DNAJC13: variants seen among roughly 807,000 people sequenced by gnomAD.
DNAJC13 encodes the protein dnaJ homolog subfamily C member 13.
In DNAJC13, 75 loss-of-function variants were observed where a neutral mutation model predicts 290.5. The ratio of observed to expected loss-of-function variants is 0.26; its 90% confidence interval spans 0.21 to 0.31. The LOEUF (loss-of-function observed/expected upper bound fraction) is 0.31, where lower values mean the gene tolerates loss of function less well. DNAJC13 is among the 10% of genes least tolerant of loss of function. DNAJC13 has a pLI of 1.00. For synonymous variants in DNAJC13, 862 were observed against 892.0 expected, an observed-to-expected ratio of 0.97 and a Z score of 0.60; for missense variants, 2,260 against 2,674.5, an observed-to-expected ratio of 0.85 and a Z score of 3.42.
At chr3:132,525,076 CACGCCTGTAATA>C (rs1265258108) in intron 51 of DNAJC13, among the ~76,000 whole-genome samples, 1 of 152,186 alleles carries the variant, frequency 6.6e-6, no homozygotes, top group East Asian at 1.9e-4. Context: ...CGCGGTGGCT[CACGCCTGTAATA>C]CCAGCACTTT....
At chr3:132,514,227 T>C (rs758738168) in intron 45 of DNAJC13, among the ~76,000 whole-genome samples, 1 of 152,162 alleles carries the variant, frequency 6.6e-6, no homozygotes, top group Non-Finnish European at 1.5e-5. Flanking sequence ...TGCAGGGTAC[T>C]GAAGACATTT....
chr3:132,445,828 C>T (rs931613299), intron 2 of DNAJC13, among the ~76,000 whole-genome samples: 2 of 151,926 alleles, frequency 1.3e-5, no homozygotes, highest in African/African-American at 2.4e-5. Flanking sequence ...AATTCAATTT[C>T]CTTTTATGAT....
chr3:132,498,400 T>A (rs1349861755), intron 36 of DNAJC13, among the ~76,000 whole-genome samples: 1 of 152,162 alleles, frequency 6.6e-6, no homozygotes, highest in Non-Finnish European at 1.5e-5. Flanking sequence ...AAGATGTGCA[T>A]ATAATTGATA....
At chr3:132,430,733 C>A (rs925583427) in intron 1 of DNAJC13, among the ~76,000 whole-genome samples, 6 of 152,114 alleles carry the variant, frequency 3.9e-5, no homozygotes, top group Admixed American at 3.3e-4. Flanking sequence ...TCTCTCTCTC[C>A]CTTTTTTGGT....
At chr3:132,527,287 C>T (rs1936289701) in intron 53 of DNAJC13, among the ~76,000 whole-genome samples, 1 of 152,148 alleles carries the variant, frequency 6.6e-6, no homozygotes, top group Non-Finnish European at 1.5e-5. Context: ...TCAGTGGTTT[C>T]TCATTACCTG....
intron 22 of DNAJC13, among the ~76,000 whole-genome samples, chr3:132,477,415 T>G (rs1002629113): frequency 1.3e-5 from 2 of 152,210 alleles, no homozygotes; most frequent in Non-Finnish European, 2.9e-5. Context: ...GTCTGGCACA[T>G]CACCAGGGAT....
chr3:132,497,018 A>G (rs1040590750), intron 36 of DNAJC13, among the ~76,000 whole-genome samples: 2 of 152,238 alleles, frequency 1.3e-5, no homozygotes, highest in African/African-American at 2.4e-5. Flanking sequence ...CTTAAATGGC[A>G]TATGAAAGCC....
At chr3:132,499,048 G>T in intron 36 of DNAJC13, 78 bp from the exon 37 acceptor site, 2 of 1,303,174 alleles carry the variant, frequency 1.5e-6, no homozygotes, top group South Asian at 1.5e-5. Context: ...ACATATTCTT[G>T]AACATGGTAT....
At position 132,466,393 on chromosome 3, in the gene DNAJC13, T is replaced by C; in HGVS notation, c.2063T>C (p.Met688Thr). 1 of 1,591,852 alleles carries C rather than the reference T, an allele frequency of 6.3e-7. No homozygotes were observed. The highest frequency in any genetic ancestry group is 8.5e-7 in the Non-Finnish European group (1 of 1,172,870). ...GTTAGAGACAATGTGAAAATAGCAA[T>C]GGTAAATATGACTGTCCCAAGTGTG... ...MHVRDNVKIA[M>T]DQYGKFNKVP... The change falls in exon 19 of 56, where the codon ATG becomes ACG. Residue 688 changes from methionine to threonine, a missense_variant and splice_region_variant. Met to Thr is a moderately conservative substitution (Grantham distance 81). This residue lies in a region of DNAJC13 where 762 missense variants were observed against 964.1 expected (regional missense o/e 0.79). Coordinates refer to ENST00000260818, the MANE Select transcript of DNAJC13 (RefSeq NM_015268.4).
intron 1 of DNAJC13, among the ~76,000 whole-genome samples, chr3:132,418,608 C>T (rs1328780813): frequency 6.6e-6 from 1 of 152,172 alleles, no homozygotes; most frequent in Non-Finnish European, 1.5e-5. Flanking sequence ...CTGCTTTTCC[C>T]TTTTACGTTA....
In DNAJC13 at chr3:132,499,755, C is replaced by T. The variant is rs1243407453; in HGVS notation, c.4363C>T (p.Arg1455Cys). The stretch of plus-strand genomic sequence containing the variant: ...GCAGGTGTTACAAGAGGCATTTAGT[C>T]GCTGTGTGGCTGTCTTGACTCGTGC... Reference protein sequence around the residue: ...GLEVLQEAFSRCVAVLTRASK... With the variant: ...GLEVLQEAFSCCVAVLTRASK... Residue 1455 changes from arginine to cysteine, a missense_variant, in exon 38 of 56, where the codon CGC becomes TGC. Physicochemically the swap from Arg to Cys is radical, Grantham distance 180 (BLOSUM62 -3). Coordinates refer to ENST00000260818, the MANE Select transcript of DNAJC13 (RefSeq NM_015268.4). 3 of 1,614,080 alleles carry T rather than the reference C, an allele frequency of 1.9e-6. No homozygotes were observed. The highest frequency in any genetic ancestry group is 1.1e-5 in the South Asian group (1 of 91,074).
Position 132,450,444 on chromosome 3 carries a change from A to G in DNAJC13, c.337-203A>G, listed in dbSNP as rs1280923079. On this transcript the variant is annotated intron_variant, in intron 5 of 55. Coordinates refer to ENST00000260818, the MANE Select transcript of DNAJC13 (RefSeq NM_015268.4). ...CCCTTTGCTAATTAAAAAAGAATGT[A>G]CTGTCTTCAGTTAGTGTGAACATTC... Among the ~76,000 whole-genome samples the G allele has an allele frequency of 3.7e-4, 57 of 152,160 alleles. 1 individual carries two copies. The highest frequency in any genetic ancestry group is 3.7e-3 in the Admixed American group (57 of 15,272).
chr3:132,435,867 G>A (rs914534816), intron 2 of DNAJC13, among the ~76,000 whole-genome samples: 1 of 152,068 alleles, frequency 6.6e-6, no homozygotes, highest in African/African-American at 2.4e-5. Context: ...AATGCTTTTC[G>A]ATTTGTGAGC....
chr3:132,432,359 C>T (rs890928861), intron 1 of DNAJC13, among the ~76,000 whole-genome samples: 3 of 151,998 alleles, frequency 2.0e-5, no homozygotes, highest in Non-Finnish European at 2.9e-5. Context: ...TCTGCCACCA[C>T]GCCCGGCTGA....
intron 2 of DNAJC13, among the ~76,000 whole-genome samples, chr3:132,436,723 A>G (rs1939395023): frequency 1.3e-5 from 2 of 152,174 alleles, no homozygotes; most frequent in South Asian, 4.1e-4. Context: ...TAGTGTAGGT[A>G]CGAAGTAGCT....
intron 23 of DNAJC13, 31 bp downstream of exon 23, chr3:132,477,923 G>T (rs762498384): frequency 1.2e-6 from 2 of 1,601,812 alleles, no homozygotes; most frequent in Non-Finnish European, 1.7e-6. Context: ...TGTCGCATTT[G>T]TTTTCACTGT....
chr3:132,496,352 G>GA lies in DNAJC13; in HGVS notation c.4021-167dup, dbSNP rs538091406. On this transcript the variant is annotated intron_variant, in intron 35 of 55. Coordinates refer to ENST00000260818, the MANE Select transcript of DNAJC13 (RefSeq NM_015268.4). ...TATTGAGATCATTAGACAACTATTTGAAAAAAAAATTTCACCTTAACAGTA... is the reference window on the plus strand; with the variant it reads ...TATTGAGATCATTAGACAACTATTTGAAAAAAAAAATTTCACCTTAACAGTA... 5.3e-5 allele frequency among the ~76,000 whole-genome samples: 8 copies of GA among 150,908 alleles called. No individual in the cohort carries two copies. The South Asian group carries it at 1.7e-3, about 32-fold the overall frequency.
At chr3:132,496,407 C>G in intron 35 of DNAJC13, 121 bp from the exon 36 acceptor site, 1 of 966,108 alleles carries the variant, frequency 1.0e-6, no homozygotes, top group Non-Finnish European at 1.5e-6. Context: ...GGAATGAATA[C>G]CTTAATATAA....
chr3:132,424,165 T>G (rs933731844), intron 1 of DNAJC13, among the ~76,000 whole-genome samples: 2 of 152,162 alleles, frequency 1.3e-5, no homozygotes, highest in Non-Finnish European at 2.9e-5. Context: ...TAAGTGAACA[T>G]GTTTCTGGAA....
Sources: gnomAD v4.1 joint callset for allele counts (sites outside exome capture counted in the v4.1 genomes callset) on GRCh38, gnomAD v4.1.1 for gene constraint, gnomAD v4.1.1 regional missense constraint, MANE v1.5 for transcripts, NCBI Gene and HGNC (gene_info 2026-07-23, HGNC 2026-07-21) for gene names.